MMP3: variants seen among roughly 807,000 people sequenced by gnomAD.
The protein encoded by MMP3 is matrix metallopeptidase 3.
MMP3 carries 46 observed loss-of-function variants against 47.3 expected under a neutral mutation model. The ratio of observed to expected loss-of-function variants is 0.97; its 90% CI spans 0.77 to 1.24. The LOEUF (loss-of-function observed/expected upper bound fraction) is 1.24. Among genes scored for constraint, MMP3 ranks in the 50% most tolerant of loss-of-function variants. The pLI, the probability that MMP3 is intolerant of heterozygous loss-of-function variation, is 0.00. For synonymous variants in MMP3, 216 were observed against 206.5 expected, an observed-to-expected ratio of 1.05 and a Z score of -0.39; for missense variants, 558 against 565.5, an observed-to-expected ratio of 0.99 and a Z score of 0.13.
rs1555005955 is a variant in MMP3 at position 102,843,517 on chromosome 11, C to T, written c.30G>A (p.Leu10=). The T allele has an allele frequency of 1.9e-6, 3 of 1,613,628 alleles. No homozygotes were observed. Among genetic ancestry groups the T allele is most frequent in the Middle Eastern group, 1.7e-4 (1 of 6,042 alleles). The change falls in exon 1 of 10, where the codon CTG becomes CTA. Residue 10 remains leucine (L), a synonymous_variant. Transcript: ENST00000299855. MKSLPILLL[L]CVAVCSAYPL... ...GATAGGCTGAGCAAACTGCCACGCA[C>T]AGCAACAGTAGGATTGGAAGACTCT...
intron 6 of MMP3, among the ~76,000 whole-genome samples, chr11:102,839,459 T>G (rs1555005116): frequency 6.6e-6 from 1 of 152,220 alleles, no homozygotes; most frequent in Non-Finnish European, 1.5e-5. Flanking sequence ...GAGTAATGTC[T>G]TCTATGAAAG....
At chr11:102,843,172 C>T (rs1189536497) in intron 1 of MMP3, among the ~76,000 whole-genome samples, 1 of 151,924 alleles carries the variant, frequency 6.6e-6, no homozygotes, top group African/African-American at 2.4e-5. Flanking sequence ...ACTCATGTGC[C>T]TTAAGCCCCA....
rs1262673931 is a variant in MMP3 at position 102,837,694 on chromosome 11, A to G, written c.1230-293T>C. On this transcript the variant is annotated intron_variant, in intron 8 of 9. Transcript: ENST00000299855. The surrounding 1 kb of genome is among the most constrained non-coding windows in gnomAD (Gnocchi z 4.4). ...AACCTTAATCATCTTTCTGTCACAA[A>G]GACATGAAAGTGTGAACATATATAT... 6.6e-6 allele frequency among the ~76,000 whole-genome samples: 1 copy of G among 152,172 alleles called. No individual in the cohort carries two copies. The highest frequency in any genetic ancestry group is 2.4e-5 in the African/African-American group (1 of 41,466).
intron 6 of MMP3, 150 bp downstream of exon 6, chr11:102,839,958 G>T: frequency 2.4e-6 from 2 of 831,566 alleles, no homozygotes; most frequent in Non-Finnish European, 3.5e-6. Context: ...GGAAAATGTG[G>T]GAAAAGGCAG....
Position 102,836,063 on chromosome 11 carries a change from A to G in MMP3, c.*63T>C. 1 of 1,223,324 alleles carries G rather than the reference A, an allele frequency of 8.2e-7. No homozygotes were observed. The highest frequency in any genetic ancestry group is 1.2e-6 in the Non-Finnish European group (1 of 831,984). 75.8% of individuals were successfully genotyped at this position (1,223,324 alleles called of 1,614,324 possible). A position where few individuals can be genotyped will look rare whatever the true frequency, so the allele number is the denominator to read the frequency against. On this transcript the variant is annotated 3_prime_UTR_variant, in exon 10 of 10. Coordinates refer to ENST00000299855, the MANE Select transcript of MMP3 (RefSeq NM_002422.5). This position sits in a 1 kb window ranked among gnomAD's most constrained non-coding sequence, Gnocchi z 4.6. ...AAAACGAACATTTCAATTCACAGAG[A>G]CTTAGGTGAAGAATTATTAGCTTCA...
intron 1 of MMP3, among the ~76,000 whole-genome samples, chr11:102,843,146 C>T (rs2134403156): frequency 6.6e-6 from 1 of 151,942 alleles, no homozygotes; most frequent in African/African-American, 2.4e-5. Flanking sequence ...TATGGTTCAT[C>T]CACTCTCCAC....
In MMP3 at chr11:102,839,182, A is replaced by G. The variant is rs527842934; in HGVS notation, c.997T>C (p.Trp333Arg). The change falls in exon 7 of 10, where the codon TGG (tryptophan) becomes CGG (arginine). Residue 333 changes from tryptophan to arginine, a missense_variant. Physicochemically the swap from Trp to Arg is moderately radical, Grantham distance 101. Coordinates refer to ENST00000299855, the MANE Select transcript of MMP3 (RefSeq NM_002422.5). The part of the protein sequence containing the change: ...EPELHLISSF[W>R]PSLPSGVDAA... Reference sequence around the variant, plus strand: ...TCCACGCCTGAAGGAAGAGATGGCCAAAATGAAGAGATCAAATGCAATTCA... The same window carrying G: ...TCCACGCCTGAAGGAAGAGATGGCCGAAATGAAGAGATCAAATGCAATTCA... The G allele has an allele frequency of 8.1e-6, 13 of 1,614,076 alleles. No homozygotes were observed. Among genetic ancestry groups the G allele is most frequent in the Non-Finnish European group, 1.1e-5 (13 of 1,180,026 alleles).
In MMP3 at chr11:102,836,563, A is replaced by C; in HGVS notation, c.1334-337T>G. On this transcript the variant is annotated intron_variant, in intron 9 of 9. Coordinates refer to ENST00000299855, the MANE Select transcript of MMP3 (RefSeq NM_002422.5). The surrounding 1 kb of genome is among the most constrained non-coding windows in gnomAD (Gnocchi z 4.6). ...CAGCCAGATTCCAGGTTACAGGGTT[A>C]TTCTGCTTCCGATCAGATAAATTCT... is the stretch of plus-strand genomic sequence containing the variant. The C allele has an allele frequency of 2.0e-6, 1 of 492,614 alleles. No individual in the cohort carries two copies. Among genetic ancestry groups the C allele is most frequent in the Non-Finnish European group, 4.1e-6 (1 of 241,404 alleles). The allele number at this position is 492,614 out of a possible 1,614,324, so 30.5% of individuals were successfully genotyped here. A position where few individuals can be genotyped will look rare whatever the true frequency, so the allele number is the denominator to read the frequency against.
chr11:102,837,509 G>A lies in MMP3; in HGVS notation c.1230-108C>T, dbSNP rs1858904565. On this transcript the variant is annotated intron_variant, in intron 8 of 9. Transcript: ENST00000299855. The surrounding 1 kb of genome is among the most constrained non-coding windows in gnomAD (Gnocchi z 4.4). ...AATTTTACTAAACTTTATAAATACT[G>A]CAAATAAATGCCAAGCATATTTGGG... 1 of 741,584 alleles carries A rather than the reference G, an allele frequency of 1.3e-6. No individual in the cohort carries two copies. The allele number at this position is 741,584 out of a possible 1,614,324, so 45.9% of individuals were successfully genotyped here.
chr11:102,842,403 GCTT>G, intron 3 of MMP3, 25 bp downstream of exon 3: 1 of 918,294 alleles, frequency 1.1e-6, no homozygotes. Flanking sequence ...GTTTTGTTTT[GCTT>G]TTTTTTTTTT....
Position 102,842,261 on chromosome 11 carries a change from G to A in MMP3, c.518C>T (p.Pro173Leu), listed in dbSNP as rs781897818. The change falls in exon 4 of 10, where the codon CCT becomes CTT. Residue 173 changes from proline to leucine, a missense_variant. Coordinates refer to ENST00000299855, the MANE Select transcript of MMP3 (RefSeq NM_002422.5). ...CAAAACATTTCCAGGTCCATCAAAA[G>A]GGTAAAAGTCTCCATGTTCTAGTAG... is the stretch of plus-strand genomic sequence containing the variant. Reference protein sequence around the residue: ...FAVREHGDFYPFDGPGNVLAH... With the variant: ...FAVREHGDFYLFDGPGNVLAH... 1.9e-6 allele frequency: 3 copies of A among 1,605,430 alleles called. No individual in the cohort carries two copies. The South Asian group carries it at 3.4e-5, about 18-fold the overall frequency.
At chr11:102,843,419 C>T (rs1196208744) in intron 1 of MMP3, 23 bp downstream of exon 1, 2 of 1,575,980 alleles carry the variant, frequency 1.3e-6, no homozygotes, top group South Asian at 2.2e-5. Context: ...CCCCACCTGG[C>T]CAGGTCAGTT....
At chr11:102,840,314 A>C in intron 5 of MMP3, 62 bp from the exon 6 acceptor site, 1 of 1,594,826 alleles carries the variant, frequency 6.3e-7, no homozygotes, top group African/African-American at 1.3e-5. Flanking sequence ...TATGCTTTCC[A>C]AACATTCTCA....
At chr11:102,843,290 C>T in intron 1 of MMP3, 152 bp downstream of exon 1, 1 of 636,600 alleles carries the variant, frequency 1.6e-6, no homozygotes, top group Non-Finnish European at 2.8e-6. Context: ...GATAATGAGA[C>T]CTTTTCCACT....
In MMP3 at chr11:102,837,768, A is replaced by C. The variant is rs1858910506; in HGVS notation, c.1230-367T>G. On this transcript the variant is annotated intron_variant, in intron 8 of 9. Coordinates refer to ENST00000299855, the MANE Select transcript of MMP3 (RefSeq NM_002422.5). This position sits in a 1 kb window ranked among gnomAD's most constrained non-coding sequence, Gnocchi z 4.4. ...AAATGCAATTTTAATTCCCTACCAC[A>C]ATTGGCCCATATATGCCTGCTGTCC... Among the ~76,000 whole-genome samples, 1 of 151,076 alleles carries C rather than the reference A, an allele frequency of 6.6e-6. No individual in the cohort carries two copies. The highest frequency in any genetic ancestry group is 2.1e-4 in the South Asian group (1 of 4,832).
Position 102,843,470 on chromosome 11 carries a change from C to A in MMP3, c.77G>T (p.Gly26Val). ...SAYPLDGAAR[G>V]EDTSMNLVQK... ...AACAAGGTTCATGCTGGTGTCCTCA[C>A]CCCTTGCAGCTCCATCCAATGGATA... Residue 26 changes from glycine to valine, a missense_variant, in exon 1 of 10, where the codon GGT (glycine) becomes GTT (valine). Coordinates refer to ENST00000299855, the MANE Select transcript of MMP3 (RefSeq NM_002422.5). 6.2e-7 allele frequency: 1 copy of A among 1,613,652 alleles called. No homozygotes were observed. The highest frequency in any genetic ancestry group is 8.5e-7 in the Non-Finnish European group (1 of 1,179,778).
At chr11:102,838,292 G>A (rs78724085) in intron 8 of MMP3, among the ~76,000 whole-genome samples, 1,599 of 152,234 alleles carry the variant, frequency 0.011, 30 homozygotes, top group African/African-American at 0.036. Context: ...ATTTGAATAG[G>A]TTGAGGAGAG....
In MMP3 at chr11:102,839,094, A is replaced by T; in HGVS notation, c.1069+16T>A. The T allele has an allele frequency of 6.2e-7, 1 of 1,601,606 alleles. No individual in the cohort carries two copies. Among genetic ancestry groups the T allele is most frequent in the Non-Finnish European group, 8.5e-7 (1 of 1,175,510 alleles). On this transcript the variant is annotated intron_variant, in intron 7 of 9. Transcript: ENST00000299855. ...TTTACTTTGGCAAGTTAAACAAATG[A>T]TGATATAGTAATTACCTTTAAAAAT...
In MMP3 at chr11:102,837,770, T is replaced by C. The variant is rs141739221; in HGVS notation, c.1230-369A>G. Among the ~76,000 whole-genome samples the C allele has an allele frequency of 5.2e-4, 78 of 151,198 alleles. No homozygotes were observed. The East Asian group carries it at 0.014, about 27-fold the overall frequency. ...ATGCAATTTTAATTCCCTACCACAA[T>C]TGGCCCATATATGCCTGCTGTCCCC... On this transcript the variant is annotated intron_variant, in intron 8 of 9. Transcript: ENST00000299855. The surrounding 1 kb of genome is among the most constrained non-coding windows in gnomAD (Gnocchi z 4.4).
Sources: allele counts gnomAD v4.1 joint callset (sites outside exome capture counted in the v4.1 genomes callset), GRCh38; gene constraint gnomAD v4.1.1; non-coding constraint Gnocchi (gnomAD v3.1); transcripts MANE v1.5; gene names NCBI Gene and HGNC (gene_info 2026-07-23, HGNC 2026-07-21).